NRXN1: variants seen among roughly 807,000 people sequenced by gnomAD.
NRXN1 encodes the protein neurexin-1.
A neutral mutation model predicts 150.9 loss-of-function variants in NRXN1; 39 were observed. That is an observed-to-expected ratio of 0.26 (90% confidence interval 0.20 to 0.34). NRXN1 has a LOEUF of 0.34. Among genes scored for constraint, NRXN1 ranks in the 10% least tolerant of loss-of-function variants. The pLI is 1.00. For missense variants in NRXN1, 1,815 were observed against 1,949.9 expected (o/e 0.93, Z 1.30); for synonymous variants, 924 against 757.0 (o/e 1.22, Z -3.62).
At chr2:50,878,608 G>A (rs1678962044) in intron 5 of NRXN1, among the ~76,000 whole-genome samples, 1 of 151,930 alleles carries the variant, frequency 6.6e-6, no homozygotes, top group Non-Finnish European at 1.5e-5. Context: ...CTTTAAAAGT[G>A]ACTGAGCTAT....
At chr2:50,365,850 T>A (rs1572695732) in intron 17 of NRXN1, among the ~76,000 whole-genome samples, 1 of 152,178 alleles carries the variant, frequency 6.6e-6, no homozygotes, top group Middle Eastern at 3.4e-3. Flanking sequence ...AGTAATGTTT[T>A]CTAAATCTGG....
At chr2:50,276,868 T>C (rs1016958198) in intron 17 of NRXN1, among the ~76,000 whole-genome samples, 1 of 152,134 alleles carries the variant, frequency 6.6e-6, no homozygotes, top group Non-Finnish European at 1.5e-5. Flanking sequence ...TTTGAAAAAG[T>C]AGCCAAATAA....
chr2:50,355,566 T>C (rs2078738632), intron 17 of NRXN1, among the ~76,000 whole-genome samples: 1 of 152,140 alleles, frequency 6.6e-6, no homozygotes, highest in Admixed American at 6.5e-5. Context: ...TTTGTTGTTG[T>C]TGTTTTTACT....
At chr2:50,653,543 T>C (rs953910895) in intron 5 of NRXN1, among the ~76,000 whole-genome samples, 3 of 152,070 alleles carry the variant, frequency 2.0e-5, no homozygotes, top group Non-Finnish European at 2.9e-5. Flanking sequence ...TAGGCAACTC[T>C]TAAATTATTT....
intron 5 of NRXN1, among the ~76,000 whole-genome samples, chr2:50,810,351 A>G (rs1668044207): frequency 6.6e-6 from 1 of 152,194 alleles, no homozygotes; most frequent in Non-Finnish European, 1.5e-5. Context: ...AGGAATAGAG[A>G]GAAGTTTCTG....
At chr2:50,407,355 C>A (rs1181507763) in intron 17 of NRXN1, among the ~76,000 whole-genome samples, 1 of 152,090 alleles carries the variant, frequency 6.6e-6, no homozygotes, top group Non-Finnish European at 1.5e-5. Flanking sequence ...AACAGCTTCC[C>A]ATAGGCAATG....
intron 12 of NRXN1, among the ~76,000 whole-genome samples, chr2:50,510,055 C>T (rs1259460485): frequency 6.6e-6 from 1 of 152,114 alleles, no homozygotes. Context: ...TCTGCTGACA[C>T]TTCAATCTTT....
At chr2:50,099,157 T>C (rs1169632259) in intron 18 of NRXN1, among the ~76,000 whole-genome samples, 1 of 152,012 alleles carries the variant, frequency 6.6e-6, no homozygotes, top group African/African-American at 2.4e-5. Flanking sequence ...GAATGTCTAA[T>C]AAAATTTTCT....
chr2:50,933,197 A>C (rs1375244215), intron 2 of NRXN1, among the ~76,000 whole-genome samples: 2 of 152,146 alleles, frequency 1.3e-5, no homozygotes, highest in Admixed American at 1.3e-4. Flanking sequence ...GCTGTCTTTA[A>C]AATTTAAAGA....
chr2:50,711,410 A>G (rs1156377732), intron 5 of NRXN1, among the ~76,000 whole-genome samples: 2 of 143,006 alleles, frequency 1.4e-5, no homozygotes, highest in Non-Finnish European at 3.0e-5. Context: ...ATCTTGGCTC[A>G]CTGCAACCTC....
At chr2:50,342,863 G>C (rs986750236) in intron 17 of NRXN1, among the ~76,000 whole-genome samples, 4 of 152,184 alleles carry the variant, frequency 2.6e-5, no homozygotes, top group African/African-American at 9.7e-5. Flanking sequence ...TCAGACATCT[G>C]GCTCCGTCTT....
chr2:50,814,483 C>G (rs1431995884), intron 5 of NRXN1, among the ~76,000 whole-genome samples: 1 of 151,978 alleles, frequency 6.6e-6, no homozygotes, highest in East Asian at 1.9e-4. Flanking sequence ...TTGGCAAACA[C>G]AGAAAGAAGT....
intron 21 of NRXN1, among the ~76,000 whole-genome samples, chr2:50,014,314 T>G (rs1344806790): frequency 2.0e-5 from 3 of 152,162 alleles, no homozygotes; most frequent in Admixed American, 1.3e-4. Flanking sequence ...TAGCACCCAC[T>G]AAGTGCTTAC....
rs943273908 is a variant in NRXN1 at position 49,990,055 on chromosome 2, G to A, written c.4129-46264C>T. Among the ~76,000 whole-genome samples, 3 of 151,838 alleles carry A rather than the reference G, an allele frequency of 2.0e-5. No homozygotes were observed. The East Asian group carries it at 5.8e-4, about 29-fold the overall frequency. ...GGATTAGATCAGTTCCCAGACAACAGGGGCTACTTTTCCCTTTCAATCATG... is the reference window on the plus strand; with the variant it reads ...GGATTAGATCAGTTCCCAGACAACAAGGGCTACTTTTCCCTTTCAATCATG... On this transcript the variant is annotated intron_variant, in intron 21 of 22. Coordinates refer to ENST00000401669, the MANE Select transcript of NRXN1 (RefSeq NM_001330078.2).
chr2:50,452,180 G>A (rs1475091148), intron 17 of NRXN1, among the ~76,000 whole-genome samples: 1 of 152,194 alleles, frequency 6.6e-6, no homozygotes. Context: ...CTGAAAAGAG[G>A]AAGACATCCC....
At chr2:50,210,600 G>C (rs999664209) in intron 18 of NRXN1, among the ~76,000 whole-genome samples, 1 of 151,600 alleles carries the variant, frequency 6.6e-6, no homozygotes, top group South Asian at 2.1e-4. Context: ...TTTATATGTA[G>C]ACTGCATATC....
At position 50,531,330 on chromosome 2, in the gene NRXN1, G is replaced by T; in HGVS notation, c.2244C>A (p.Ser748=). The part of the protein sequence containing the change: ...EAEDVSLRFR[S]QRAYGILMAT... ...CCATCAGAATGCCATATGCACGCTG[G>T]GATCGGAACCGTAAGGAAACATCCT... The change falls in exon 11 of 23, where the codon TCC becomes TCA. Residue 748 remains serine (S), a synonymous_variant. Transcript: ENST00000401669. 1 of 1,613,488 alleles carries T rather than the reference G, an allele frequency of 6.2e-7. No individual in the cohort carries two copies. Among genetic ancestry groups the T allele is most frequent in the Non-Finnish European group, 8.5e-7 (1 of 1,179,716 alleles).
intron 18 of NRXN1, among the ~76,000 whole-genome samples, chr2:50,123,322 C>T (rs369009434): frequency 2.6e-5 from 4 of 152,006 alleles, no homozygotes; most frequent in African/African-American, 4.8e-5. Context: ...AAGGAGGTAA[C>T]GAACCATGTT....
chr2:50,264,395 A>T (rs2152916427), intron 17 of NRXN1, among the ~76,000 whole-genome samples: 1 of 152,244 alleles, frequency 6.6e-6, no homozygotes, highest in East Asian at 1.9e-4. Flanking sequence ...TAAAACAGAA[A>T]GCATTTTCAA....
Sources: allele counts gnomAD v4.1 joint callset (sites outside exome capture counted in the v4.1 genomes callset), GRCh38; gene constraint gnomAD v4.1.1; transcripts MANE v1.5; gene names NCBI Gene and HGNC (gene_info 2026-07-23, HGNC 2026-07-21).